Variants in CD86 observed in about 807,000 individuals in gnomAD.
The protein encoded by CD86 is CD86 molecule, also known as T-lymphocyte activation antigen CD86.
CD86 carries 11 observed loss-of-function variants against 32.1 expected under a neutral mutation model. That is an observed-to-expected ratio of 0.34 (90% CI 0.22 to 0.57). CD86 has a LOEUF of 0.57. CD86 is among the 20% of genes least tolerant of loss of function. The probability of loss-of-function intolerance (pLI) is 0.86; values close to 1 mark genes in which losing one functional copy is unlikely to be tolerated. For missense variants in CD86, 359 were observed against 398.4 expected (o/e 0.90, Z 0.84); for synonymous variants, 137 against 135.3 (o/e 1.01, Z -0.09).
chr3:122,082,497 G>C (rs947906826), intron 1 of CD86, among the ~76,000 whole-genome samples: 3 of 152,194 alleles, frequency 2.0e-5, no homozygotes, highest in African/African-American at 7.2e-5. Context: ...TGTCATTCAA[G>C]TATAACTGAC....
At chr3:122,067,092 C>T (rs1034407478) in intron 1 of CD86, among the ~76,000 whole-genome samples, 1 of 151,936 alleles carries the variant, frequency 6.6e-6, no homozygotes, top group Non-Finnish European at 1.5e-5. Context: ...AAGATGGTCA[C>T]GGAATAGTGA....
chr3:122,061,876 G>T (rs1420980979), intron 1 of CD86, among the ~76,000 whole-genome samples: 1 of 152,044 alleles, frequency 6.6e-6, no homozygotes, highest in African/African-American at 2.4e-5. Flanking sequence ...CTATGCTCCT[G>T]CAAAAATCAG....
In CD86 at chr3:122,113,074, C is replaced by A. The variant is rs546031926; in HGVS notation, c.847+3666C>A. On this transcript the variant is annotated intron_variant, in intron 5 of 6. Transcript: ENST00000330540. ...ATGTCTTTGCATCCTCATAGTTTAG[C>A]TCCCACTTATCAGTGAAAACATACA... Among the ~76,000 whole-genome samples the A allele has an allele frequency of 3.3e-5, 5 of 152,328 alleles. No homozygotes were observed. The South Asian group carries it at 1.0e-3, about 32-fold the overall frequency.
At chr3:122,076,965 G>A (rs150419277) in intron 1 of CD86, among the ~76,000 whole-genome samples, 7 of 152,244 alleles carry the variant, frequency 4.6e-5, no homozygotes, top group East Asian at 1.9e-4. Context: ...TGCACCACAC[G>A]CTTTTGTGTG....
At chr3:122,094,517 C>CA (rs2072876396) in intron 2 of CD86, among the ~76,000 whole-genome samples, 1 of 152,104 alleles carries the variant, frequency 6.6e-6, no homozygotes, top group Admixed American at 6.5e-5. Context: ...TGAAAAGCAA[C>CA]AAAAAATCAG....
At chr3:122,055,768 A>G (rs1021227241) in intron 1 of CD86, among the ~76,000 whole-genome samples, 1 of 152,220 alleles carries the variant, frequency 6.6e-6, no homozygotes, top group African/African-American at 2.4e-5. Flanking sequence ...TGTTACAGTC[A>G]TTGATTTTAG....
At chr3:122,106,169 ATTT>A in intron 3 of CD86, 26 bp from the exon 4 acceptor site, 1 of 1,507,094 alleles carries the variant, frequency 6.6e-7, no homozygotes, top group East Asian at 2.3e-5. Flanking sequence ...ACTTAGATTG[ATTT>A]TTTTTTATCT....
chr3:122,091,748 C>T (rs1057475921), intron 2 of CD86, 98 bp downstream of exon 2: 26 of 937,520 alleles, frequency 2.8e-5, no homozygotes, highest in Non-Finnish European at 4.4e-5. Flanking sequence ...GGGTTTTACT[C>T]ACTTTCTACT....
At chr3:122,070,547 T>G (rs1316690185) in intron 1 of CD86, among the ~76,000 whole-genome samples, 1 of 152,200 alleles carries the variant, frequency 6.6e-6, no homozygotes, top group Non-Finnish European at 1.5e-5. Flanking sequence ...AAGTACAAGT[T>G]AAAATTGTAT....
intron 1 of CD86, among the ~76,000 whole-genome samples, chr3:122,073,951 G>T (rs2072523669): frequency 6.6e-6 from 1 of 152,194 alleles, no homozygotes; most frequent in Non-Finnish European, 1.5e-5. Flanking sequence ...TCATGCAGGA[G>T]TCTCCTTCCT....
intron 1 of CD86, among the ~76,000 whole-genome samples, chr3:122,080,617 A>G (rs1215783229): frequency 6.6e-6 from 1 of 152,178 alleles, no homozygotes; most frequent in Non-Finnish European, 1.5e-5. Context: ...TCATGTCTGT[A>G]TGGAAACACT....
intron 2 of CD86, among the ~76,000 whole-genome samples, chr3:122,099,845 C>T (rs563449958): frequency 2.0e-5 from 3 of 152,296 alleles, no homozygotes; most frequent in South Asian, 4.1e-4. Context: ...TTGTTCAGCA[C>T]AGAGACAGAG....
At chr3:122,116,064 G>T (rs1202042559) in intron 5 of CD86, among the ~76,000 whole-genome samples, 1 of 152,044 alleles carries the variant, frequency 6.6e-6, no homozygotes, top group East Asian at 1.9e-4. Context: ...GAAAACAGAG[G>T]AGAAAATCTT....
chr3:122,079,232 G>T (rs1416552976), intron 1 of CD86, among the ~76,000 whole-genome samples: 1 of 152,184 alleles, frequency 6.6e-6, no homozygotes, highest in Non-Finnish European at 1.5e-5. Context: ...CTTTGCATTT[G>T]ATATTTTGGT....
intron 1 of CD86, among the ~76,000 whole-genome samples, chr3:122,063,332 T>C (rs963793496): frequency 6.6e-6 from 1 of 152,154 alleles, no homozygotes; most frequent in Non-Finnish European, 1.5e-5. Flanking sequence ...CCTCTAGGGA[T>C]CTAGCTAGTT....
intron 5 of CD86, among the ~76,000 whole-genome samples, chr3:122,117,544 T>C (rs928310699): frequency 6.6e-6 from 1 of 152,254 alleles, no homozygotes; most frequent in Non-Finnish European, 1.5e-5. Context: ...TCCCTATCAA[T>C]AGCAACTCAG....
At chr3:122,117,522 G>T (rs994819548) in intron 5 of CD86, among the ~76,000 whole-genome samples, 6 of 152,232 alleles carry the variant, frequency 3.9e-5, no homozygotes, top group African/African-American at 1.4e-4. Flanking sequence ...CCCAAGTTGT[G>T]TCAGTAGCAA....
At chr3:122,103,888 C>A in intron 3 of CD86, 41 bp downstream of exon 3, 7 of 1,483,112 alleles carry the variant, frequency 4.7e-6, no homozygotes, top group Non-Finnish European at 5.6e-6. Context: ...TTAGCCTTCT[C>A]AGATGAGACT....
intron 1 of CD86, among the ~76,000 whole-genome samples, chr3:122,074,650 G>T (rs945058723): frequency 3.3e-5 from 5 of 152,080 alleles, no homozygotes; most frequent in Admixed American, 3.3e-4. Flanking sequence ...CGGGTTTCTG[G>T]CTCTGGCACA....
Sources: gnomAD v4.1 joint callset for allele counts (sites outside exome capture counted in the v4.1 genomes callset) on GRCh38, gnomAD v4.1.1 for gene constraint, MANE v1.5 for transcripts, NCBI Gene and HGNC (gene_info 2026-07-23, HGNC 2026-07-21) for gene names.